Variants in EPHA6 observed in about 807,000 individuals in gnomAD.
The protein encoded by EPHA6 is ephrin type-A receptor 6.
EPHA6 carries 50 observed loss-of-function variants against 112.0 expected under a neutral mutation model. The observed-to-expected ratio is 0.45, with a 90% CI of 0.36 to 0.56. The LOEUF (loss-of-function observed/expected upper bound fraction) is 0.56, where lower values mean the gene tolerates loss of function less well. Ranked by LOEUF, EPHA6 falls within the 20% of genes least tolerant of loss-of-function variation. The probability of loss-of-function intolerance (pLI) is 0.00; values close to 1 mark genes in which losing one functional copy is unlikely to be tolerated. For missense variants in EPHA6, 1,280 were observed against 1,417.4 expected (o/e 0.90, Z 1.56); for synonymous variants, 529 against 490.7 (o/e 1.08, Z -1.03).
intron 14 of EPHA6, among the ~76,000 whole-genome samples, chr3:97,657,217 G>C (rs535231985): frequency 6.6e-6 from 1 of 151,806 alleles, no homozygotes; most frequent in South Asian, 2.1e-4. Flanking sequence ...TTTTCTAAAG[G>C]CTCTTTTTTT....
intron 11 of EPHA6, among the ~76,000 whole-genome samples, chr3:97,576,483 C>T (rs1201101389): frequency 6.6e-6 from 1 of 152,168 alleles, no homozygotes; most frequent in Non-Finnish European, 1.5e-5. Flanking sequence ...GGTCTAAGTG[C>T]ACACTGGCAT....
At chr3:96,866,798 G>T in intron 1 of EPHA6, 27 bp from the exon 2 acceptor site, 1 of 1,356,760 alleles carries the variant, frequency 7.4e-7, no homozygotes, top group Non-Finnish European at 9.7e-7. Flanking sequence ...GAAATTCATG[G>T]AATTTTTATT....
At chr3:97,651,766 G>C (rs963654287) in intron 14 of EPHA6, among the ~76,000 whole-genome samples, 1 of 151,990 alleles carries the variant, frequency 6.6e-6, no homozygotes, top group Non-Finnish European at 1.5e-5. Flanking sequence ...CAAGCAGAGA[G>C]TAAAATGTCA....
rs995038499 is a variant in EPHA6 at position 96,954,643 on chromosome 3, A to G, written c.451-32687A>G. 7.9e-5 allele frequency among the ~76,000 whole-genome samples: 12 copies of G among 152,074 alleles called. No individual in the cohort carries two copies. The South Asian group carries it at 2.1e-3, about 26-fold the overall frequency. On this transcript the variant is annotated intron_variant, in intron 2 of 17. Coordinates refer to ENST00000389672, the MANE Select transcript of EPHA6 (RefSeq NM_001080448.3). ...ATGGCTGTTTACCTAACCTCACTTT[A>G]TATTTCTTTAGAGCACTTTTCACCA... is the stretch of plus-strand genomic sequence containing the variant.
intron 3 of EPHA6, among the ~76,000 whole-genome samples, chr3:97,007,902 C>A (rs953591266): frequency 1.3e-5 from 2 of 152,146 alleles, no homozygotes; most frequent in Non-Finnish European, 2.9e-5. Flanking sequence ...GTTGAAAATT[C>A]TTTTCTTTAA....
In EPHA6 at chr3:97,754,084, CTTTTTTTTTTT is replaced by C. The variant is rs10559270; in HGVS notation, c.*5394_*5404del. ...AATGTATAAAAAATAACATTTATATCTTTTTTTTTTTTTTTTTTTTTGAGATGGAGTTTCCC... is the reference window on the plus strand; with the variant it reads ...AATGTATAAAAAATAACATTTATATCTTTTTTTTTTGAGATGGAGTTTCCC... On this transcript the variant is annotated 3_prime_UTR_variant, in exon 18 of 18. Coordinates refer to ENST00000389672, the MANE Select transcript of EPHA6 (RefSeq NM_001080448.3). Among the ~76,000 whole-genome samples the C allele has an allele frequency of 9.8e-5, 10 of 102,060 alleles. No individual in the cohort carries two copies. The highest frequency in any genetic ancestry group is 3.2e-4 in the African/African-American group (9 of 28,170). 67.0% of individuals were successfully genotyped at this position (102,060 alleles called of 152,430 possible).
chr3:97,412,580 AAAT>A (rs1348586386), intron 6 of EPHA6, among the ~76,000 whole-genome samples: 1 of 151,864 alleles, frequency 6.6e-6, no homozygotes, highest in Non-Finnish European at 1.5e-5. Flanking sequence ...AGAAAAAATC[AAAT>A]AAGACTAAGG....
rs149448633 is a variant in EPHA6, at chr3:97,016,681, C to T, written c.1114+28688C>T. On this transcript the variant is annotated intron_variant, in intron 3 of 17. Coordinates refer to ENST00000389672, the MANE Select transcript of EPHA6 (RefSeq NM_001080448.3). ...AAGACAATAAGCATATCTTTCATTC[C>T]CAAATTTTTCCTTACGCACCTATGT... Among the ~76,000 whole-genome samples, 182 of 152,224 alleles carry T rather than the reference C, an allele frequency of 1.2e-3. 1 individual carries two copies. Among genetic ancestry groups the T allele is most frequent in the African/African-American group, 4.2e-3 (173 of 41,550 alleles).
At chr3:97,040,176 T>C (rs1229201270) in intron 3 of EPHA6, among the ~76,000 whole-genome samples, 1 of 151,884 alleles carries the variant, frequency 6.6e-6, no homozygotes, top group Non-Finnish European at 1.5e-5. Flanking sequence ...CACTCAATTA[T>C]TGATGTCCAC....
intron 3 of EPHA6, among the ~76,000 whole-genome samples, chr3:97,181,801 A>G (rs919000690): frequency 3.3e-5 from 5 of 152,128 alleles, no homozygotes; most frequent in Non-Finnish European, 5.9e-5. Context: ...GATTTATAGC[A>G]TGGATATCAA....
chr3:96,940,889 T>A (rs1432051761), intron 2 of EPHA6, among the ~76,000 whole-genome samples: 2 of 152,214 alleles, frequency 1.3e-5, no homozygotes, highest in Admixed American at 6.5e-5. Flanking sequence ...AAATTCTGGG[T>A]TGAAAATTCT....
At chr3:97,213,997 CTGTGTGTGTGTGTG>C (rs10557927) in intron 3 of EPHA6, among the ~76,000 whole-genome samples, 8 of 128,866 alleles carry the variant, frequency 6.2e-5, no homozygotes, top group Admixed American at 8.2e-5. Context: ...CTCATGTGTT[CTGTGTGTGTGTGTG>C]TGTGTGTGTG....
chr3:97,658,493 T>C (rs1041900263), intron 14 of EPHA6, among the ~76,000 whole-genome samples: 17 of 151,956 alleles, frequency 1.1e-4, no homozygotes, highest in African/African-American at 4.1e-4. Context: ...AGGTGCTTAA[T>C]TTTATCTCAG....
chr3:96,849,283 T>C (rs912419136), intron 1 of EPHA6, among the ~76,000 whole-genome samples: 55 of 152,278 alleles, frequency 3.6e-4, no homozygotes, highest in African/African-American at 1.3e-3. Flanking sequence ...GTAATGTGGA[T>C]GATTCTGACT....
chr3:97,636,470 T>A (rs1220502646), intron 13 of EPHA6, among the ~76,000 whole-genome samples: 1 of 152,084 alleles, frequency 6.6e-6, no homozygotes, highest in Non-Finnish European at 1.5e-5. Context: ...TATACAGAAG[T>A]GCCGGCTTAA....
intron 11 of EPHA6, among the ~76,000 whole-genome samples, chr3:97,537,381 A>C (rs142879452): frequency 2.5e-4 from 38 of 152,294 alleles, no homozygotes; most frequent in African/African-American, 8.7e-4. Context: ...ATTGCTGATT[A>C]AAACCTAGTG....
At chr3:96,875,264 G>T (rs1056616219) in intron 2 of EPHA6, among the ~76,000 whole-genome samples, 13 of 152,080 alleles carry the variant, frequency 8.5e-5, no homozygotes, top group African/African-American at 3.1e-4. Context: ...TCTTTTATCA[G>T]CTCATGCATG....
At chr3:97,419,306 A>AAAAC (rs201122919) in intron 6 of EPHA6, among the ~76,000 whole-genome samples, 47 of 151,458 alleles carry the variant, frequency 3.1e-4, no homozygotes, top group South Asian at 1.3e-3. Context: ...TCCATCACAA[A>AAAAC]AAACAAACAA....
At chr3:97,422,871 G>A (rs1219669354) in intron 6 of EPHA6, among the ~76,000 whole-genome samples, 1 of 152,130 alleles carries the variant, frequency 6.6e-6, no homozygotes, top group Non-Finnish European at 1.5e-5. Context: ...ACAAATCAAT[G>A]TGATTCAGTA....
Sources: allele counts gnomAD v4.1 joint callset (sites outside exome capture counted in the v4.1 genomes callset), GRCh38; gene constraint gnomAD v4.1.1; transcripts MANE v1.5; gene names NCBI Gene and HGNC (gene_info 2026-07-23, HGNC 2026-07-21).